The following TARS1 variants were observed in gnomAD, a reference collection of about 807,000 sequenced individuals.
TARS1 encodes threonine--tRNA ligase 1, cytoplasmic.
A neutral mutation model predicts 97.7 loss-of-function variants in TARS1; 57 were observed. The observed-to-expected ratio is 0.58, with a 90% CI of 0.47 to 0.73. The LOEUF is 0.73. TARS1 is among the 30% of genes least tolerant of loss of function. The pLI is 0.00. For missense variants in TARS1, 806 were observed against 888.3 expected (o/e 0.91, Z 1.18); for synonymous variants, 312 against 293.7 (o/e 1.06, Z -0.64).
intron 2 of TARS1, among the ~76,000 whole-genome samples, chr5:33,447,887 TAGA>T (rs1363233043): frequency 2.0e-5 from 3 of 152,256 alleles, no homozygotes; most frequent in Non-Finnish European, 2.9e-5. Context: ...AGAGTGACAG[TAGA>T]AGAAGTCAGC....
intron 9 of TARS1, 46 bp from the exon 10 acceptor site, chr5:33,458,520 G>A (rs755232577): frequency 1.1e-5 from 17 of 1,517,914 alleles, no homozygotes; most frequent in South Asian, 8.0e-5. Context: ...ATACACACAC[G>A]TATACGTGAC....
chr5:33,462,284 A>G (rs1248625169), intron 16 of TARS1, 81 bp downstream of exon 16: 18 of 1,244,768 alleles, frequency 1.4e-5, no homozygotes, highest in Non-Finnish European at 1.5e-5. Context: ...TAATTATCAG[A>G]TGGAAAGGGA....
In TARS1 at chr5:33,461,931, T is replaced by C; in HGVS notation, c.1655T>C (p.Ile552Thr). Residue 552 changes from isoleucine to threonine, a missense_variant, in exon 15 of 19, where the codon ATT becomes ACT. By Grantham distance (89) the Ile-to-Thr change is moderately conservative. This residue lies in a region of TARS1 where 446 missense variants were observed against 511.0 expected (regional missense o/e 0.87). Coordinates refer to ENST00000265112, the MANE Select transcript of TARS1 (RefSeq NM_152295.5). ...PKIDIQIKDA[I>T]GRYHQCATIQ... is the part of the protein sequence containing the mutation. Reference sequence around the variant, plus strand: ...ATTGACATACAGATTAAAGATGCGATTGGGCGGTACCACCAGTGTGCAACC... The same window carrying C: ...ATTGACATACAGATTAAAGATGCGACTGGGCGGTACCACCAGTGTGCAACC... The C allele has an allele frequency of 1.2e-6, 2 of 1,614,018 alleles. No individual in the cohort carries two copies. The highest frequency in any genetic ancestry group is 1.3e-5 in the African/African-American group (1 of 75,054).
At chr5:33,445,642 G>A (rs1328886050) in intron 2 of TARS1, among the ~76,000 whole-genome samples, 1 of 152,202 alleles carries the variant, frequency 6.6e-6, no homozygotes, top group Non-Finnish European at 1.5e-5. Flanking sequence ...TGATCTGATT[G>A]TAGGGTTGAA....
Position 33,461,310 on chromosome 5 carries a change from TC to T in TARS1, c.1551+16del, listed in dbSNP as rs1445722111. On this transcript the variant is annotated intron_variant, in intron 13 of 18. Coordinates refer to ENST00000265112, the MANE Select transcript of TARS1 (RefSeq NM_152295.5). Reference sequence around the variant, plus strand: ...AAGCTGAGAAAGTAAGTGGTGTTTTTCAGCGTGCTTTTGAATACTGTTTGAA... The same window carrying T: ...AAGCTGAGAAAGTAAGTGGTGTTTTTAGCGTGCTTTTGAATACTGTTTGAA... 1.9e-6 allele frequency: 3 copies of T among 1,607,164 alleles called. No individual in the cohort carries two copies. The South Asian group carries it at 3.3e-5, about 18-fold the overall frequency.
chr5:33,450,983 C>T (rs1240623912), intron 3 of TARS1, among the ~76,000 whole-genome samples: 5 of 152,064 alleles, frequency 3.3e-5, no homozygotes, highest in Admixed American at 6.5e-5. Context: ...GTCATGGTGG[C>T]GCACACCTGT....
In TARS1 at chr5:33,461,123, AACT is replaced by A. The variant is rs764557880; in HGVS notation, c.1414-31_1414-29del. The A allele has an allele frequency of 1.9e-5, 30 of 1,604,338 alleles. 1 individual carries two copies. The South Asian group carries it at 3.4e-4, about 18-fold the overall frequency. ...AAGAGTCAAGAAAGTCAAGGAAAAT[AACT>A]ACTGTTTCTTTTTTTGTTTTTTAAT... On this transcript the variant is annotated intron_variant, in intron 12 of 18. Transcript: ENST00000265112.
rs1579596084 is a variant in TARS1 at position 33,466,988 on chromosome 5, A to G, written c.2023+3A>G. The G allele has an allele frequency of 1.9e-6, 3 of 1,546,250 alleles. No individual in the cohort carries two copies. The East Asian group carries it at 7.3e-5, about 38-fold the overall frequency. On this transcript the variant is annotated splice_donor_region_variant and intron_variant, in intron 18 of 18. Coordinates refer to ENST00000265112, the MANE Select transcript of TARS1 (RefSeq NM_152295.5). ...AGCACAGTATAACTTCATTTTAGGT[A>G]AGAATGGAAACTTACCAAAGAAAAT...
chr5:33,459,100 A>T (rs1479566056), intron 10 of TARS1, among the ~76,000 whole-genome samples: 2 of 147,470 alleles, frequency 1.4e-5, no homozygotes, highest in African/African-American at 5.2e-5. Context: ...TCATGATATT[A>T]AAAAAAAAAT....
chr5:33,446,509 G>A, intron 2 of TARS1: 1 of 449,208 alleles, frequency 2.2e-6, no homozygotes. Flanking sequence ...TCTGAACAGA[G>A]AATTTTAAGT....
Position 33,462,192 on chromosome 5 carries a change from T to G in TARS1, c.1824T>G (p.Tyr608Ter). 1 of 1,611,210 alleles carries G rather than the reference T, an allele frequency of 6.2e-7. No homozygotes were observed. The highest frequency in any genetic ancestry group is 8.5e-7 in the Non-Finnish European group (1 of 1,179,446). ...TGATTGCTATCCTCACAGAAAACTA[T>G]GGGGGCAAATGGTAATTTTTGTCAC... Reference protein sequence around the residue: ...ERMIAILTENYGGKWPFWLSP... With the variant: ...ERMIAILTEN Residue 608 changes from tyrosine (Y) to a stop codon, truncating the protein, a stop_gained, in exon 16 of 19, where the codon TAT becomes TAG. Transcript: ENST00000265112. LOFTEE classifies it high-confidence loss of function.
chr5:33,452,318 T>C (rs1741785307), intron 3 of TARS1: 6 of 1,512,146 alleles, frequency 4.0e-6, no homozygotes, highest in Admixed American at 2.0e-5. Flanking sequence ...ATAATCTGGC[T>C]CACCTACTCA....
Position 33,461,920 on chromosome 5 carries a change from T to G in TARS1, c.1644T>G (p.Ile548Met). Residue 548 changes from isoleucine (I) to methionine (M), a missense_variant, in exon 15 of 19, where the codon ATT becomes ATG. By Grantham distance (10) the Ile-to-Met change is conservative. Coordinates refer to ENST00000265112, the MANE Select transcript of TARS1 (RefSeq NM_152295.5). ...AFYGPKIDIQ[I>M]KDAIGRYHQC... ...TTGCTTCTTAGATTGACATACAGAT[T>G]AAAGATGCGATTGGGCGGTACCACC... The G allele has an allele frequency of 6.2e-7, 1 of 1,613,844 alleles. No homozygotes were observed. Among genetic ancestry groups the G allele is most frequent in the Non-Finnish European group, 8.5e-7 (1 of 1,179,802 alleles).
Position 33,459,567 on chromosome 5 carries a change from G to C in TARS1, c.1084-128G>C. On this transcript the variant is annotated intron_variant, in intron 10 of 18. Transcript: ENST00000265112. Reference sequence around the variant, plus strand: ...CTCTCTGGTATATACTTAGAAGTGGGATTTCTGAATCATGGCATGTGTCCA... The same window carrying C: ...CTCTCTGGTATATACTTAGAAGTGGCATTTCTGAATCATGGCATGTGTCCA... 3 of 1,127,106 alleles carry C rather than the reference G, an allele frequency of 2.7e-6. No homozygotes were observed. In the South Asian group the frequency reaches 4.6e-5, roughly 17 times the overall value. 69.8% of individuals were successfully genotyped at this position (1,127,106 alleles called of 1,614,324 possible).
chr5:33,452,724 G>T (rs1579581875), intron 3 of TARS1, among the ~76,000 whole-genome samples: 1 of 151,996 alleles, frequency 6.6e-6, no homozygotes, highest in East Asian at 1.9e-4. Context: ...AAAGGATCTG[G>T]TGTACATTTT....
chr5:33,449,276 G>T (rs72737344), intron 3 of TARS1, among the ~76,000 whole-genome samples: 160 of 150,172 alleles, frequency 1.1e-3, no homozygotes, highest in Non-Finnish European at 1.3e-3. Flanking sequence ...TCAATAATTG[G>T]TCAGTTTATC....
In TARS1 at chr5:33,467,898, A is replaced by G. The variant is rs899374810; in HGVS notation, c.*190A>G. 2.0e-6 allele frequency: 1 copy of G among 507,788 alleles called. No homozygotes were observed. Among genetic ancestry groups the G allele is most frequent in the African/African-American group, 2.0e-5 (1 of 50,764 alleles). The allele number at this position is 507,788 out of a possible 1,614,324, so 31.5% of individuals were successfully genotyped here. ...AAACAATGTGCATTTGAAGGAGTTA[A>G]TTAAAAGAGAGCCAATAAAATGATT... On this transcript the variant is annotated 3_prime_UTR_variant, in exon 19 of 19. Coordinates refer to ENST00000265112, the MANE Select transcript of TARS1 (RefSeq NM_152295.5).
chr5:33,444,531 T>C (rs1196270968), intron 1 of TARS1, among the ~76,000 whole-genome samples: 1 of 152,276 alleles, frequency 6.6e-6, no homozygotes, highest in African/African-American at 2.4e-5. Flanking sequence ...CACTTGCTTC[T>C]AATTGAAGTC....
rs773941187 is a variant in TARS1, at chr5:33,467,700, G to T, written c.2164G>T (p.Glu722Ter). ...KEFRSKQAEEEF is the reference protein window; with the variant it reads ...KEFRSKQAEE ...GTTCCGCAGCAAACAGGCAGAAGAA[G>T]AATTTTAATGAAAAAATTACCCAGA... The change falls in exon 19 of 19, where the codon GAA becomes TAA. Residue 722 changes from glutamate to a stop codon, truncating the protein, a stop_gained. Transcript: ENST00000265112. LOFTEE classifies it high-confidence loss of function. 27 of 1,607,246 alleles carry T rather than the reference G, an allele frequency of 1.7e-5. No individual in the cohort carries two copies. The highest frequency in any genetic ancestry group is 1.7e-4 in the Middle Eastern group (1 of 6,030).
Sources: gnomAD v4.1 joint callset for allele counts (sites outside exome capture counted in the v4.1 genomes callset) on GRCh38, gnomAD v4.1.1 for gene constraint, gnomAD v4.1.1 regional missense constraint, MANE v1.5 for transcripts, NCBI Gene and HGNC (gene_info 2026-07-23, HGNC 2026-07-21) for gene names.